RAB38: variants seen among roughly 807,000 people sequenced by gnomAD.
RAB38 encodes the protein RAB38, member RAS oncogene family.
RAB38 carries 15 observed loss-of-function variants against 18.4 expected under a neutral mutation model. The ratio of observed to expected loss-of-function variants is 0.82; its 90% CI spans 0.55 to 1.26. The LOEUF is 1.26. Among genes scored for constraint, RAB38 ranks in the 50% most tolerant of loss-of-function variants. RAB38 has a pLI of 0.00. For missense variants in RAB38, 294 were observed against 267.4 expected, an observed-to-expected ratio of 1.10 and a Z score of -0.69; for synonymous variants, 101 against 104.4, an observed-to-expected ratio of 0.97 and a Z score of 0.20.
At chr11:88,064,742 C>T in the RAB38 span, among the ~76,000 whole-genome samples, 3 of 152,144 alleles carry the variant, frequency 2.0e-5, no homozygotes, top group Non-Finnish European at 4.4e-5. Flanking sequence ...ATGAAATTTT[C>T]TTTGTATTGA....
At chr11:88,071,850 C>A in the RAB38 span, among the ~76,000 whole-genome samples, 4 of 152,172 alleles carry the variant, frequency 2.6e-5, no homozygotes, top group African/African-American at 9.7e-5. Flanking sequence ...TAAACACACA[C>A]TGGAGGATTT....
intron 2 of RAB38, among the ~76,000 whole-genome samples, chr11:88,117,428 G>A (rs1365407125): frequency 6.6e-6 from 1 of 152,108 alleles, no homozygotes; most frequent in Non-Finnish European, 1.5e-5. Context: ...AGTAACCACA[G>A]TACTATAAAA....
chr11:88,128,191 C>A (rs2134790517), intron 2 of RAB38, among the ~76,000 whole-genome samples: 1 of 152,276 alleles, frequency 6.6e-6, no homozygotes, highest in African/African-American at 2.4e-5. Context: ...TCACTATGAG[C>A]AGATTAAGTC....
At chr11:87,948,416 G>C in the RAB38 span, among the ~76,000 whole-genome samples, 1 of 151,892 alleles carries the variant, frequency 6.6e-6, no homozygotes, top group Admixed American at 6.6e-5. Context: ...GCCCTGGCCA[G>C]AACTTCCAAC....
At chr11:87,888,752 T>C in the RAB38 span, among the ~76,000 whole-genome samples, 3 of 151,942 alleles carry the variant, frequency 2.0e-5, no homozygotes, top group Non-Finnish European at 4.4e-5. Context: ...GTGGTTTACA[T>C]CAAGGATTAT....
At chr11:88,169,582 G>C (rs545145402) in intron 1 of RAB38, among the ~76,000 whole-genome samples, 19 of 152,152 alleles carry the variant, frequency 1.2e-4, no homozygotes, top group Non-Finnish European at 2.8e-4. Context: ...AAAGCCCTGG[G>C]AATGCATGAG....
At chr11:88,106,658 T>TTGA in the RAB38 span, among the ~76,000 whole-genome samples, 2 of 152,144 alleles carry the variant, frequency 1.3e-5, no homozygotes, top group Admixed American at 1.3e-4. Flanking sequence ...ATAAATTAGC[T>TTGA]TGATGATATG....
At chr11:87,911,160 C>T in the RAB38 span, among the ~76,000 whole-genome samples, 1 of 151,916 alleles carries the variant, frequency 6.6e-6, no homozygotes, top group Non-Finnish European at 1.5e-5. Flanking sequence ...ACCATAGAGA[C>T]TTGACTATAG....
chr11:88,140,418 T>C (rs1942895299), intron 2 of RAB38, among the ~76,000 whole-genome samples: 1 of 152,198 alleles, frequency 6.6e-6, no homozygotes, highest in Admixed American at 6.5e-5. Context: ...AAAGATTCCT[T>C]AAAAGGCAGT....
the RAB38 span, among the ~76,000 whole-genome samples, chr11:88,075,898 A>C: frequency 1.3e-5 from 2 of 151,862 alleles, no homozygotes; most frequent in Non-Finnish European, 2.9e-5. Context: ...AGAAAACAAA[A>C]AAAAAAAAGC....
At chr11:87,914,344 T>C in the RAB38 span, among the ~76,000 whole-genome samples, 1 of 152,112 alleles carries the variant, frequency 6.6e-6, no homozygotes, top group Non-Finnish European at 1.5e-5. Flanking sequence ...CCTTGTTACA[T>C]TGTAGCAAAA....
chr11:87,846,642 A>G, the RAB38 span, among the ~76,000 whole-genome samples: 6 of 152,092 alleles, frequency 3.9e-5, no homozygotes, highest in Non-Finnish European at 8.8e-5. Context: ...TAGACCAATG[A>G]GACAAAAAGT....
chr11:88,046,017 T>C, the RAB38 span, among the ~76,000 whole-genome samples: 6 of 152,084 alleles, frequency 3.9e-5, no homozygotes, highest in Admixed American at 3.9e-4. Context: ...CACTGCCACC[T>C]TTTCCCCCAG....
At chr11:87,977,416 T>C in the RAB38 span, among the ~76,000 whole-genome samples, 4 of 103,442 alleles carry the variant, frequency 3.9e-5, 1 homozygote, top group Non-Finnish European at 5.3e-5. Flanking sequence ...TTATAAAATA[T>C]AATTATATTA....
chr11:87,806,159 CAGAA>C, the RAB38 span, among the ~76,000 whole-genome samples: 1 of 152,012 alleles, frequency 6.6e-6, no homozygotes, highest in Non-Finnish European at 1.5e-5. Context: ...GTTTTTTTGA[CAGAA>C]AGGATCTTCT....
At chr11:88,083,055 C>T in the RAB38 span, among the ~76,000 whole-genome samples, 1 of 151,804 alleles carries the variant, frequency 6.6e-6, no homozygotes, top group Admixed American at 6.6e-5. Context: ...AGATACGCTC[C>T]TACTTCAAAG....
the RAB38 span, among the ~76,000 whole-genome samples, chr11:87,892,694 G>A: frequency 6.6e-6 from 1 of 151,646 alleles, no homozygotes; most frequent in Non-Finnish European, 1.5e-5. Flanking sequence ...TTGTCTACTG[G>A]CATGATATAT....
At chr11:87,886,494 A>G in the RAB38 span, among the ~76,000 whole-genome samples, 1 of 151,894 alleles carries the variant, frequency 6.6e-6, no homozygotes, top group Non-Finnish European at 1.5e-5. Context: ...AAGTGCTGCA[A>G]ACGGGATTGT....
chr11:88,109,758 T>A (rs1248829048), downstream of RAB38, among the ~76,000 whole-genome samples: 1 of 152,064 alleles, frequency 6.6e-6, no homozygotes, highest in Non-Finnish European at 1.5e-5. Context: ...CCAACAAACA[T>A]ATGAATAAAA....
Sources: allele counts gnomAD v4.1 joint callset (sites outside exome capture counted in the v4.1 genomes callset), GRCh38; gene constraint gnomAD v4.1.1; transcripts MANE v1.5; gene names NCBI Gene and HGNC (gene_info 2026-07-23, HGNC 2026-07-21).